EPHA6: variants seen among roughly 807,000 people sequenced by gnomAD.
EPHA6 encodes EPH receptor A6.
In EPHA6, 50 loss-of-function variants were observed where a neutral mutation model predicts 112.0. That is an observed-to-expected ratio of 0.45 (90% CI 0.36 to 0.56). The LOEUF (loss-of-function observed/expected upper bound fraction) is 0.56. Among genes scored for constraint, EPHA6 ranks in the 20% least tolerant of loss-of-function variants. The pLI, the probability that EPHA6 is intolerant of heterozygous loss-of-function variation, is 0.00. For synonymous variants in EPHA6, 529 were observed against 490.7 expected (o/e 1.08, Z -1.03); for missense variants, 1,280 against 1,417.4 (o/e 0.90, Z 1.56).
At chr3:97,028,302 G>T (rs536952460) in intron 3 of EPHA6, among the ~76,000 whole-genome samples, 1 of 152,194 alleles carries the variant, frequency 6.6e-6, no homozygotes, top group African/African-American at 2.4e-5. Context: ...GCAAGATGAA[G>T]ATAATATTTC....
intron 3 of EPHA6, among the ~76,000 whole-genome samples, chr3:97,197,081 T>C (rs952674089): frequency 2.0e-5 from 3 of 152,078 alleles, no homozygotes; most frequent in Non-Finnish European, 4.4e-5. Flanking sequence ...AAGCTCTCCC[T>C]GAGCCCAGCA....
chr3:97,143,275 A>T (rs2075956432), intron 3 of EPHA6, among the ~76,000 whole-genome samples: 1 of 151,732 alleles, frequency 6.6e-6, no homozygotes, highest in Non-Finnish European at 1.5e-5. Flanking sequence ...AAACTTCACC[A>T]TTATGGGATA....
At chr3:97,249,473 G>T (rs2079072544) in intron 5 of EPHA6, among the ~76,000 whole-genome samples, 1 of 151,984 alleles carries the variant, frequency 6.6e-6, no homozygotes, top group African/African-American at 2.4e-5. Flanking sequence ...GCATCTTTTT[G>T]TGACACACAT....
intron 3 of EPHA6, among the ~76,000 whole-genome samples, chr3:97,124,838 G>C (rs945545150): frequency 1.3e-5 from 2 of 152,166 alleles, no homozygotes; most frequent in African/African-American, 4.8e-5. Context: ...GGATGCTTCT[G>C]CCTGTCATTG....
chr3:97,552,708 T>C (rs772331354), intron 11 of EPHA6, among the ~76,000 whole-genome samples: 8 of 152,196 alleles, frequency 5.3e-5, no homozygotes, highest in Non-Finnish European at 1.2e-4. Flanking sequence ...AAGAAAGGAA[T>C]TGCAGTAAAT....
At position 97,689,002 on chromosome 3, in the gene EPHA6, T is replaced by C. The variant is rs115900694; in HGVS notation, c.2785-31259T>C. On this transcript the variant is annotated intron_variant, in intron 14 of 17. Coordinates refer to ENST00000389672, the MANE Select transcript of EPHA6 (RefSeq NM_001080448.3). ...TTAAAATGCTCAATATAGTTTTACC[T>C]TTCTTCAAAATTCTCCTCTCTATAA... 3.4e-3 allele frequency among the ~76,000 whole-genome samples: 517 copies of C among 152,330 alleles called. 4 individuals are homozygous for C. Among genetic ancestry groups the C allele is most frequent in the South Asian group, 0.017 (82 of 4,822 alleles).
rs192392865 is a variant in EPHA6, at chr3:97,219,619, C to T, written c.1115-6645C>T. On this transcript the variant is annotated intron_variant, in intron 3 of 17. Coordinates refer to ENST00000389672, the MANE Select transcript of EPHA6 (RefSeq NM_001080448.3). Reference sequence around the variant, plus strand: ...CACAGGGCTGCACAGAGCAGCTGGGCCCTGGGCCCAGCCCACGAAACCTTT... The same window carrying T: ...CACAGGGCTGCACAGAGCAGCTGGGTCCTGGGCCCAGCCCACGAAACCTTT... Among the ~76,000 whole-genome samples, 506 of 152,238 alleles carry T rather than the reference C, an allele frequency of 3.3e-3. 1 individual carries two copies. The highest frequency in any genetic ancestry group is 0.011 in the African/African-American group (469 of 41,532).
intron 2 of EPHA6, among the ~76,000 whole-genome samples, chr3:96,920,572 G>A (rs2107627103): frequency 6.6e-6 from 1 of 152,004 alleles, no homozygotes; most frequent in South Asian, 2.1e-4. Context: ...TTTCTATTTA[G>A]ATCCTTTTAT....
intron 3 of EPHA6, among the ~76,000 whole-genome samples, chr3:97,026,503 C>T (rs1300024511): frequency 3.3e-5 from 5 of 152,038 alleles, no homozygotes; most frequent in South Asian, 2.1e-4. Flanking sequence ...TAAGTATTTT[C>T]GTCTTTTTTT....
intron 3 of EPHA6, among the ~76,000 whole-genome samples, chr3:97,023,437 T>C (rs1189730113): frequency 2.0e-5 from 3 of 152,148 alleles, no homozygotes; most frequent in African/African-American, 7.2e-5. Context: ...TGAGAGATTG[T>C]CCCTAACCAG....
intron 3 of EPHA6, among the ~76,000 whole-genome samples, chr3:97,193,975 C>T (rs534993799): frequency 6.6e-6 from 1 of 152,092 alleles, no homozygotes; most frequent in South Asian, 2.1e-4. Flanking sequence ...ATCCTTGCAT[C>T]CTGGGATAAA....
intron 2 of EPHA6, among the ~76,000 whole-genome samples, chr3:96,884,085 T>C (rs9814862): frequency 0.048 from 7,237 of 152,210 alleles, 504 homozygotes; most frequent in African/African-American, 0.15. Flanking sequence ...TATGTGCCTG[T>C]TTTTGTGCCA....
intron 10 of EPHA6, among the ~76,000 whole-genome samples, chr3:97,525,188 C>CT (rs938034384): frequency 2.0e-5 from 3 of 152,082 alleles, no homozygotes; most frequent in East Asian, 1.9e-4. Flanking sequence ...CTTTTTTGAT[C>CT]TTTTTTTAAT....
intron 3 of EPHA6, among the ~76,000 whole-genome samples, chr3:97,176,226 C>A (rs776705733): frequency 6.6e-6 from 1 of 151,816 alleles, no homozygotes; most frequent in Non-Finnish European, 1.5e-5. Flanking sequence ...ATTGAACCAC[C>A]TTTGCATTGC....
intron 10 of EPHA6, among the ~76,000 whole-genome samples, chr3:97,532,053 T>C (rs2092701583): frequency 6.6e-6 from 1 of 152,108 alleles, no homozygotes; most frequent in African/African-American, 2.4e-5. Context: ...TGTGATTGCA[T>C]TTCTATAGAA....
intron 7 of EPHA6, among the ~76,000 whole-genome samples, chr3:97,456,786 T>G (rs944055640): frequency 6.6e-6 from 1 of 152,182 alleles, no homozygotes; most frequent in Non-Finnish European, 1.5e-5. Flanking sequence ...AGATGGATTT[T>G]TTTTTCTATC....
chr3:97,363,440 A>G (rs1404742333), intron 5 of EPHA6, among the ~76,000 whole-genome samples: 1 of 151,238 alleles, frequency 6.6e-6, no homozygotes, highest in Non-Finnish European at 1.5e-5. Context: ...CTCATTATAA[A>G]AGAATTGGGT....
rs376497031 is a variant in EPHA6 at position 97,736,470 on chromosome 3, A to AGTGTGTGT, written c.3128+386_3128+393dup. 3.7e-4 allele frequency among the ~76,000 whole-genome samples: 44 copies of AGTGTGTGT among 118,876 alleles called. 1 individual carries two copies. Among genetic ancestry groups the AGTGTGTGT allele is most frequent in the South Asian group, 2.3e-3 (7 of 3,082 alleles). The allele number at this position is 118,876 out of a possible 152,430, so 78.0% of individuals were successfully genotyped here. ...AGTAGAGAGAGAGAGAGAGAGAGAG[A>AGTGTGTGT]GTGTGTGTGTGTGTGTGTGTGTGTG... On this transcript the variant is annotated intron_variant, in intron 16 of 17. Coordinates refer to ENST00000389672, the MANE Select transcript of EPHA6 (RefSeq NM_001080448.3).
At chr3:97,202,637 T>C (rs1330069449) in intron 3 of EPHA6, among the ~76,000 whole-genome samples, 1 of 152,114 alleles carries the variant, frequency 6.6e-6, no homozygotes, top group African/African-American at 2.4e-5. Flanking sequence ...CTTGGCCAGA[T>C]ATATGTCTTC....
Sources: allele counts gnomAD v4.1 joint callset (sites outside exome capture counted in the v4.1 genomes callset), GRCh38; gene constraint gnomAD v4.1.1; transcripts MANE v1.5; gene names NCBI Gene and HGNC (gene_info 2026-07-23, HGNC 2026-07-21).